Variants in CNTN5 observed in about 807,000 individuals in gnomAD.
CNTN5 encodes the protein contactin-5.
A neutral mutation model predicts 129.1 loss-of-function variants in CNTN5; 77 were observed. The ratio of observed to expected loss-of-function variants is 0.60; its 90% confidence interval spans 0.50 to 0.72. The LOEUF (loss-of-function observed/expected upper bound fraction) is 0.72. CNTN5 is among the 30% of genes least tolerant of loss of function. The pLI is 0.00. For synonymous variants in CNTN5, 509 were observed against 465.6 expected (o/e 1.09, Z -1.20); for missense variants, 1,478 against 1,328.8 (o/e 1.11, Z -1.75).
chr11:100,078,466 A>G (rs1026545060), intron 13 of CNTN5, among the ~76,000 whole-genome samples: 3 of 152,236 alleles, frequency 2.0e-5, no homozygotes, highest in South Asian at 2.1e-4. Context: ...AGAATGATCA[A>G]TATGAACTCC....
At chr11:99,299,541 CAG>C (rs1257836258) in intron 1 of CNTN5, among the ~76,000 whole-genome samples, 2 of 152,090 alleles carry the variant, frequency 1.3e-5, no homozygotes, top group East Asian at 1.9e-4. Flanking sequence ...GAAAAATAAA[CAG>C]AGTCTCAAAG....
intron 8 of CNTN5, among the ~76,000 whole-genome samples, chr11:99,981,822 A>G (rs1938367682): frequency 1.3e-5 from 2 of 152,226 alleles, no homozygotes; most frequent in South Asian, 4.1e-4. Context: ...CTTGTAGCAG[A>G]GTAGAATTAT....
intron 2 of CNTN5, among the ~76,000 whole-genome samples, chr11:99,335,288 C>T (rs1279063087): frequency 6.6e-6 from 1 of 151,870 alleles, no homozygotes; most frequent in Non-Finnish European, 1.5e-5. Flanking sequence ...GTTTTTTAGC[C>T]ACATCTCTCT....
intron 3 of CNTN5, among the ~76,000 whole-genome samples, chr11:99,584,257 T>C (rs1949716971): frequency 6.6e-6 from 1 of 152,192 alleles, no homozygotes; most frequent in African/African-American, 2.4e-5. Context: ...AGTATTAAAA[T>C]TAGCTCTGTA....
chr11:99,636,537 C>G (rs1470241455), intron 3 of CNTN5, among the ~76,000 whole-genome samples: 2 of 151,862 alleles, frequency 1.3e-5, no homozygotes, highest in African/African-American at 2.4e-5. Context: ...TGGGTTGATG[C>G]TATCAGTGAC....
In CNTN5 at chr11:99,611,490, A is replaced by G. The variant is rs760085116; in HGVS notation, c.55+55221A>G. On this transcript the variant is annotated intron_variant, in intron 3 of 24. Transcript: ENST00000524871. ...GGCGGCTTAGAAAAGTTAAATGTAA[A>G]ATAAGAGTCAGTTCAAATTCTCTAA... 2.4e-4 allele frequency among the ~76,000 whole-genome samples: 36 copies of G among 152,194 alleles called. 1 individual carries two copies. The highest frequency in any genetic ancestry group is 5.9e-5 in the Non-Finnish European group (4 of 68,020).
intron 3 of CNTN5, among the ~76,000 whole-genome samples, chr11:99,676,269 T>C (rs1262486559): frequency 6.6e-6 from 1 of 152,182 alleles, no homozygotes. Context: ...GATTGTTGAA[T>C]TAATTGGCTA....
chr11:100,132,982 G>A (rs964296751), intron 13 of CNTN5, among the ~76,000 whole-genome samples: 2 of 151,576 alleles, frequency 1.3e-5, no homozygotes, highest in African/African-American at 2.4e-5. Context: ...TAGACTTTAT[G>A]TATTATAAAT....
At chr11:99,652,570 C>A (rs1187746803) in intron 3 of CNTN5, among the ~76,000 whole-genome samples, 1 of 152,024 alleles carries the variant, frequency 6.6e-6, no homozygotes, top group Non-Finnish European at 1.5e-5. Flanking sequence ...AGGCTGTAGT[C>A]ACTATCCCAA....
intron 3 of CNTN5, among the ~76,000 whole-genome samples, chr11:99,783,931 T>C (rs943130062): frequency 6.6e-6 from 1 of 151,764 alleles, no homozygotes; most frequent in Non-Finnish European, 1.5e-5. Flanking sequence ...GTAACTAACC[T>C]GCACAATGTG....
chr11:99,380,524 C>A (rs1388767469), intron 2 of CNTN5, among the ~76,000 whole-genome samples: 1 of 152,058 alleles, frequency 6.6e-6, no homozygotes, highest in Non-Finnish European at 1.5e-5. Context: ...AATCCCAGCA[C>A]TTCGGGAGGC....
chr11:99,438,311 A>G (rs1034737068), intron 2 of CNTN5, among the ~76,000 whole-genome samples: 1 of 152,160 alleles, frequency 6.6e-6, no homozygotes, highest in Non-Finnish European at 1.5e-5. Flanking sequence ...TGAGTCTACT[A>G]TAAGGAACTA....
chr11:99,786,799 A>G (rs1319277434), intron 3 of CNTN5, among the ~76,000 whole-genome samples: 12 of 152,208 alleles, frequency 7.9e-5, no homozygotes, highest in Admixed American at 5.9e-4. Flanking sequence ...GTGGCTAGCC[A>G]TATGCAGAAA....
At chr11:99,327,925 T>C (rs1865849150) in intron 2 of CNTN5, among the ~76,000 whole-genome samples, 1 of 152,204 alleles carries the variant, frequency 6.6e-6, no homozygotes, top group Admixed American at 6.5e-5. Context: ...GGAAGAGCTT[T>C]ATTTCATTAG....
chr11:100,064,683 C>T (rs927446873), intron 10 of CNTN5, among the ~76,000 whole-genome samples: 3 of 151,956 alleles, frequency 2.0e-5, no homozygotes, highest in African/African-American at 4.8e-5. Context: ...TAGTTTCTGA[C>T]GATTGATGAA....
intron 3 of CNTN5, among the ~76,000 whole-genome samples, chr11:99,700,816 AG>A (rs777795235): frequency 1.3e-4 from 19 of 151,270 alleles, no homozygotes; most frequent in Non-Finnish European, 2.7e-4. Flanking sequence ...CTTTGTCAAA[AG>A]GCAGAGAGTG....
intron 3 of CNTN5, among the ~76,000 whole-genome samples, chr11:99,744,682 T>C (rs894666531): frequency 1.4e-5 from 2 of 143,970 alleles, no homozygotes; most frequent in South Asian, 2.2e-4. Context: ...ATTGTGCCAC[T>C]GCACTACAGC....
intron 3 of CNTN5, among the ~76,000 whole-genome samples, chr11:99,754,107 G>A (rs576680715): frequency 2.0e-5 from 3 of 152,306 alleles, no homozygotes; most frequent in Admixed American, 2.0e-4. Flanking sequence ...AGGTAGTGGT[G>A]TAAGGCCAAA....
At position 100,027,110 on chromosome 11, in the gene CNTN5, T is replaced by C. The variant is rs73561010; in HGVS notation, c.980+24974T>C. Reference sequence around the variant, plus strand: ...TGAAATGTAGTTATAATAACTGTTTTAATGTTCTTGTTTACTAACTCCATC... The same window carrying C: ...TGAAATGTAGTTATAATAACTGTTTCAATGTTCTTGTTTACTAACTCCATC... On this transcript the variant is annotated intron_variant, in intron 9 of 24. Transcript: ENST00000524871. Among the ~76,000 whole-genome samples, 1,284 of 152,292 alleles carry C rather than the reference T, an allele frequency of 8.4e-3. 29 individuals are homozygous for C. The highest frequency in any genetic ancestry group is 0.03 in the African/African-American group (1,243 of 41,568).
Sources: allele counts gnomAD v4.1 joint callset (sites outside exome capture counted in the v4.1 genomes callset), GRCh38; gene constraint gnomAD v4.1.1; transcripts MANE v1.5; gene names NCBI Gene and HGNC (gene_info 2026-07-23, HGNC 2026-07-21).